Variants in SSR3 observed in about 807,000 individuals in gnomAD.
SSR3 encodes the protein signal sequence receptor subunit 3.
In SSR3, 10 loss-of-function variants were observed where a neutral mutation model predicts 22.1. The observed-to-expected ratio is 0.45, with a 90% CI of 0.28 to 0.77. The LOEUF (loss-of-function observed/expected upper bound fraction) is 0.77. Among genes scored for constraint, SSR3 ranks in the 30% least tolerant of loss-of-function variants. The pLI, the probability that SSR3 is intolerant of heterozygous loss-of-function variation, is 0.13. For missense variants in SSR3, 181 were observed against 220.5 expected (o/e 0.82, Z 1.13); for synonymous variants, 104 against 82.5 (o/e 1.26, Z -1.42).
intron 3 of SSR3, among the ~76,000 whole-genome samples, chr3:156,545,173 TA>T (rs901227511): frequency 1.3e-5 from 2 of 152,330 alleles, no homozygotes; most frequent in Admixed American, 1.3e-4. Context: ...AAGCAGTTTT[TA>T]AAAGGGTAGG....
Position 156,539,557 on chromosome 3 carries a change from C to T in SSR3, c.*3646G>A, listed in dbSNP as rs956801290. On this transcript the variant is annotated 3_prime_UTR_variant, in exon 5 of 5. Coordinates refer to ENST00000265044, the MANE Select transcript of SSR3 (RefSeq NM_007107.5). The stretch of plus-strand genomic sequence containing the variant: ...CAGAAATCAAACAGGGATAAGTCAG[C>T]GAAAAGATGATATATTGAAAATTCA... 2.0e-5 allele frequency among the ~76,000 whole-genome samples: 3 copies of T among 151,886 alleles called. No individual in the cohort carries two copies. Among genetic ancestry groups the T allele is most frequent in the African/African-American group, 7.3e-5 (3 of 41,332 alleles).
intron 2 of SSR3, among the ~76,000 whole-genome samples, chr3:156,550,232 C>G (rs1038890327): frequency 2.6e-5 from 4 of 152,138 alleles, no homozygotes; most frequent in Non-Finnish European, 4.4e-5. Context: ...CTGCAGAAAC[C>G]TTTCTTAGCT....
At chr3:156,552,252 C>T (rs1455925073) in intron 2 of SSR3, among the ~76,000 whole-genome samples, 1 of 144,496 alleles carries the variant, frequency 6.9e-6, no homozygotes, top group Admixed American at 7.1e-5. Context: ...TGCAGTAAGC[C>T]AAGATTGGGC....
In SSR3 at chr3:156,540,033, A is replaced by G. The variant is rs1293101450; in HGVS notation, c.*3170T>C. On this transcript the variant is annotated 3_prime_UTR_variant, in exon 5 of 5. Transcript: ENST00000265044. ...CACATGTATCCCAGAACTTAAAGTA[A>G]AATAAAAAATAAAACAATTTGAAAA... 3 of 152,242 alleles carry G rather than the reference A, an allele frequency of 2.0e-5. No homozygotes were observed. Among genetic ancestry groups the G allele is most frequent in the African/African-American group, 7.2e-5 (3 of 41,464 alleles). 9.4% of individuals were successfully genotyped at this position (152,242 alleles called of 1,614,324 possible). A position where few individuals can be genotyped will look rare whatever the true frequency, so the allele number is the denominator to read the frequency against.
rs1017614939 is a variant in SSR3, at chr3:156,541,752, C to G, written c.*1451G>C. On this transcript the variant is annotated 3_prime_UTR_variant, in exon 5 of 5. Coordinates refer to ENST00000265044, the MANE Select transcript of SSR3 (RefSeq NM_007107.5). ...TGATGGCACCTAGATAATAATGCAC[C>G]AAAGAAAAGTAAAGAATTGCAGACT... 5 of 151,898 alleles carry G rather than the reference C, an allele frequency of 3.3e-5. No individual in the cohort carries two copies. The highest frequency in any genetic ancestry group is 7.4e-5 in the Non-Finnish European group (5 of 67,972). The allele number at this position is 151,898 out of a possible 1,614,324, so 9.4% of individuals were successfully genotyped here. A position where few individuals can be genotyped will look rare whatever the true frequency, so the allele number is the denominator to read the frequency against.
rs1402990409 is a variant in SSR3, at chr3:156,540,001, T to C, written c.*3202A>G. ...TGTATACATATGTACCAAACCTGCA[T>C]GGTCAGCACATGTATCCCAGAACTT... On this transcript the variant is annotated 3_prime_UTR_variant, in exon 5 of 5. Coordinates refer to ENST00000265044, the MANE Select transcript of SSR3 (RefSeq NM_007107.5). 2.6e-5 allele frequency: 4 copies of C among 152,146 alleles called. No individual in the cohort carries two copies. In the South Asian group the frequency reaches 8.3e-4, roughly 32 times the overall value. 9.4% of individuals were successfully genotyped at this position (152,146 alleles called of 1,614,324 possible).
In SSR3 at chr3:156,555,018, G is replaced by C. The variant is rs1442365355; in HGVS notation, c.72C>G (p.Leu24=). 4 of 1,613,962 alleles carry C rather than the reference G, an allele frequency of 2.5e-6. No homozygotes were observed. The highest frequency in any genetic ancestry group is 3.4e-6 in the Non-Finnish European group (4 of 1,179,958). The change falls in exon 1 of 5, where the codon CTC becomes CTG. Residue 24 remains leucine (L), a synonymous_variant. Coordinates refer to ENST00000265044, the MANE Select transcript of SSR3 (RefSeq NM_007107.5). ...AGAAGAGCGCGGAGGACTTGGCCGA[G>C]AGATTGCGGCTGAAATCCTGCAGGA... ...DLLLQDFSRN[L]SAKSSALFFG...
In SSR3 at chr3:156,547,110, C is replaced by G. The variant is rs527352779; in HGVS notation, c.359+1795G>C. Reference sequence around the variant, plus strand: ...ATGGCTTTTATGGTGGAAATAAAAACAGCCAAATTTCTACCAATGAAAAGA... The same window carrying G: ...ATGGCTTTTATGGTGGAAATAAAAAGAGCCAAATTTCTACCAATGAAAAGA... On this transcript the variant is annotated intron_variant, in intron 3 of 4. Transcript: ENST00000265044. Among the ~76,000 whole-genome samples, 9 of 152,236 alleles carry G rather than the reference C, an allele frequency of 5.9e-5. No homozygotes were observed. In the East Asian group the frequency reaches 1.4e-3, roughly 23 times the overall value.
chr3:156,541,589 T>G lies in SSR3; in HGVS notation c.*1614A>C, dbSNP rs1252246498. ...CCATCACGCCTGGCTAATTTTGGTA[T>G]TTTTAGTAGAGACGGGGTTTCACCA... On this transcript the variant is annotated 3_prime_UTR_variant, in exon 5 of 5. Transcript: ENST00000265044. 1 of 152,160 alleles carries G rather than the reference T, an allele frequency of 6.6e-6. No individual in the cohort carries two copies. The highest frequency in any genetic ancestry group is 2.4e-5 in the African/African-American group (1 of 41,432). The allele number at this position is 152,160 out of a possible 1,614,324, so 9.4% of individuals were successfully genotyped here. A position where few individuals can be genotyped will look rare whatever the true frequency, so the allele number is the denominator to read the frequency against.
rs1207284184 is a variant in SSR3 at position 156,554,186 on chromosome 3, C to T, written c.134-405G>A. On this transcript the variant is annotated intron_variant, in intron 1 of 4. Coordinates refer to ENST00000265044, the MANE Select transcript of SSR3 (RefSeq NM_007107.5). ...ACGTGGCTGTTATCAGAACTCCAAG[C>T]AGTGCTATGTCCAATTAGTGAGCCA... The T allele has an allele frequency of 1.9e-5, 3 of 158,294 alleles. No individual in the cohort carries two copies. In the Admixed American group the frequency reaches 1.9e-4, roughly 10 times the overall value. 9.8% of individuals were successfully genotyped at this position (158,294 alleles called of 1,614,324 possible). A position where few individuals can be genotyped will look rare whatever the true frequency, so the allele number is the denominator to read the frequency against.
chr3:156,554,770 G>A lies in SSR3; in HGVS notation c.133+187C>T, dbSNP rs570049735. 195 of 735,738 alleles carry A rather than the reference G, an allele frequency of 2.7e-4. No homozygotes were observed. The African/African-American group carries it at 3.1e-3, about 12-fold the overall frequency. 45.6% of individuals were successfully genotyped at this position (735,738 alleles called of 1,614,324 possible). On this transcript the variant is annotated intron_variant, in intron 1 of 4. Transcript: ENST00000265044. Reference sequence around the variant, plus strand: ...AGTGACCTCCCCGAGTGCTGCACAGGACAATCCCAAGCGACAACACTGTGC... The same window carrying A: ...AGTGACCTCCCCGAGTGCTGCACAGAACAATCCCAAGCGACAACACTGTGC...
chr3:156,545,311 G>A (rs776316284), intron 3 of SSR3, among the ~76,000 whole-genome samples: 5 of 152,184 alleles, frequency 3.3e-5, no homozygotes, highest in Non-Finnish European at 7.3e-5. Context: ...GCAGCACATC[G>A]CACAGAGTAG....
At chr3:156,543,974 A>G (rs1456994829) in intron 4 of SSR3, 3 of 286,488 alleles carry the variant, frequency 1.0e-5, no homozygotes, top group African/African-American at 6.5e-5. Context: ...GAGCCCAAAA[A>G]TAACAGGTAC....
At chr3:156,548,709 G>C (rs1218169520) in intron 3 of SSR3, 196 bp downstream of exon 3, 6 of 666,654 alleles carry the variant, frequency 9.0e-6, no homozygotes, top group Non-Finnish European at 1.5e-5. Flanking sequence ...ATCAACTATT[G>C]TACAGCACAG....
At chr3:156,548,793 T>C in intron 3 of SSR3, 112 bp downstream of exon 3, 5 of 1,388,344 alleles carry the variant, frequency 3.6e-6, no homozygotes, top group Non-Finnish European at 4.8e-6. Context: ...CTACTACAAT[T>C]CCAAAATTTA....
rs1450827669 is a variant in SSR3, at chr3:156,540,589, G to C, written c.*2614C>G. On this transcript the variant is annotated 3_prime_UTR_variant, in exon 5 of 5. Coordinates refer to ENST00000265044, the MANE Select transcript of SSR3 (RefSeq NM_007107.5). ...CCACTGTACTCCAGCCTGGGTGACA[G>C]AGCGAGACGCTGTCTCAAAAAAAAA... 2 of 112,956 alleles carry C rather than the reference G, an allele frequency of 1.8e-5. No individual in the cohort carries two copies. Among genetic ancestry groups the C allele is most frequent in the Non-Finnish European group, 3.3e-5 (2 of 60,454 alleles). The allele number at this position is 112,956 out of a possible 1,614,324, so 7.0% of individuals were successfully genotyped here.
chr3:156,544,136 A>C, intron 4 of SSR3, 172 bp downstream of exon 4: 1 of 469,788 alleles, frequency 2.1e-6, no homozygotes, highest in Admixed American at 4.2e-5. Flanking sequence ...AAGAATCTTA[A>C]ACCAATAGCT....
At chr3:156,547,344 G>A (rs972337644) in intron 3 of SSR3, among the ~76,000 whole-genome samples, 1 of 152,086 alleles carries the variant, frequency 6.6e-6, no homozygotes, top group African/African-American at 2.4e-5. Context: ...GACCAAATCT[G>A]CCCAAGACTG....
rs1231504177 is a variant in SSR3, at chr3:156,555,034, T to A, written c.56A>T (p.Asp19Val). The A allele has an allele frequency of 4.3e-6, 7 of 1,614,028 alleles. No individual in the cohort carries two copies. Among genetic ancestry groups the A allele is most frequent in the Non-Finnish European group, 5.9e-6 (7 of 1,179,950 alleles). Residue 19 changes from aspartate (D) to valine (V), a missense_variant, in exon 1 of 5, where the codon GAT becomes GTT. Coordinates refer to ENST00000265044, the MANE Select transcript of SSR3 (RefSeq NM_007107.5). ...QQSEEDLLLQ[D>V]FSRNLSAKSS... is the part of the protein sequence containing the mutation. Reference sequence around the variant, plus strand: ...CTTGGCCGAGAGATTGCGGCTGAAATCCTGCAGGAGCAGGTCCTCCTCAGA... The same window carrying A: ...CTTGGCCGAGAGATTGCGGCTGAAAACCTGCAGGAGCAGGTCCTCCTCAGA...
Sources: allele counts gnomAD v4.1 joint callset (sites outside exome capture counted in the v4.1 genomes callset), GRCh38; gene constraint gnomAD v4.1.1; transcripts MANE v1.5; gene names NCBI Gene and HGNC (gene_info 2026-07-23, HGNC 2026-07-21).